The following COBLL1 variants were observed in gnomAD, a reference collection of about 807,000 sequenced individuals.
The protein encoded by COBLL1 is cordon-bleu WH2 repeat protein like 1.
Under a neutral mutation model 94.8 loss-of-function variants are expected in COBLL1, and 50 were observed. The ratio of observed to expected loss-of-function variants is 0.53; its 90% CI spans 0.42 to 0.67. The LOEUF is 0.67. COBLL1 is among the 30% of genes least tolerant of loss of function. The pLI, the probability that COBLL1 is intolerant of heterozygous loss-of-function variation, is 0.00. For synonymous variants in COBLL1, 448 were observed against 473.8 expected, an observed-to-expected ratio of 0.95 and a Z score of 0.71; for missense variants, 1,362 against 1,348.7, an observed-to-expected ratio of 1.01 and a Z score of -0.15.
chr2:164,748,353 A>AT (rs200750558), intron 2 of COBLL1, among the ~76,000 whole-genome samples: 2,443 of 152,210 alleles, frequency 0.016, 26 homozygotes, highest in South Asian at 0.027. Context: ...CCTAACATTA[A>AT]TTTTTTGGTC....
chr2:164,813,504 G>T (rs1473127236), intron 2 of COBLL1, among the ~76,000 whole-genome samples: 1 of 152,126 alleles, frequency 6.6e-6, no homozygotes, highest in Non-Finnish European at 1.5e-5. Flanking sequence ...TGGAACATCA[G>T]GGGTGTTGGT....
Position 164,694,913 on chromosome 2 carries a change from G to A in COBLL1, c.2479C>T (p.Pro827Ser). The A allele has an allele frequency of 6.2e-7, 1 of 1,613,868 alleles. No individual in the cohort carries two copies. Among genetic ancestry groups the A allele is most frequent in the Non-Finnish European group, 8.5e-7 (1 of 1,179,900 alleles). Residue 827 changes from proline to serine, a missense_variant, in exon 12 of 14, where the codon CCC (proline) becomes TCC (serine). Coordinates refer to ENST00000652658, the MANE Select transcript of COBLL1 (RefSeq NM_001365672.2). Reference protein sequence around the residue: ...DAMVSPLKPAPKMTRDTGTAP... With the variant: ...DAMVSPLKPASKMTRDTGTAP... ...GTGCCAGTGTCTCTTGTCATTTTGG[G>A]AGCAGGTTTCAGAGGACTAACCATG...
intron 7 of COBLL1, among the ~76,000 whole-genome samples, chr2:164,708,394 T>C (rs1055884886): frequency 3.3e-5 from 5 of 152,270 alleles, no homozygotes; most frequent in African/African-American, 9.6e-5. Context: ...TTTGAAATAA[T>C]TCAAAACAAG....
intron 7 of COBLL1, among the ~76,000 whole-genome samples, chr2:164,710,627 C>T (rs59884845): frequency 0.061 from 9,027 of 149,056 alleles, 320 homozygotes; most frequent in African/African-American, 0.12. Context: ...TACAGTGGTG[C>T]GATCTCAGCT....
chr2:164,779,832 G>T (rs1294534370), intron 2 of COBLL1: 6 of 446,162 alleles, frequency 1.3e-5, no homozygotes, highest in Non-Finnish European at 2.8e-5. Flanking sequence ...TGCAAATTTA[G>T]ACCGAACATT....
At chr2:164,660,791 A>G (rs1317715109) in intron 2 of COBLL1, among the ~76,000 whole-genome samples, 1 of 152,210 alleles carries the variant, frequency 6.6e-6, no homozygotes, top group Admixed American at 6.5e-5. Context: ...CATTACATAC[A>G]GCAATCATAG....
chr2:164,794,228 C>T (rs1338855647), intron 2 of COBLL1, among the ~76,000 whole-genome samples: 1 of 152,196 alleles, frequency 6.6e-6, no homozygotes, highest in East Asian at 1.9e-4. Flanking sequence ...GATCTGTATC[C>T]TGGTGATAGC....
chr2:164,735,108 A>G (rs1011940424), intron 3 of COBLL1, among the ~76,000 whole-genome samples: 5 of 152,164 alleles, frequency 3.3e-5, no homozygotes, highest in Admixed American at 6.5e-5. Flanking sequence ...GTGTACATAG[A>G]TGTGAGCTCC....
chr2:164,833,206 T>A (rs964495286), intron 2 of COBLL1, among the ~76,000 whole-genome samples: 15 of 151,722 alleles, frequency 9.9e-5, no homozygotes, highest in Admixed American at 9.8e-4. Context: ...GTACAAAAAT[T>A]AGCTGGGCAT....
chr2:164,826,361 C>T (rs911843619), intron 2 of COBLL1, among the ~76,000 whole-genome samples: 10 of 152,208 alleles, frequency 6.6e-5, no homozygotes, highest in Admixed American at 4.6e-4. Context: ...CTTCATCCTC[C>T]ACTTCCTGGG....
chr2:164,687,485 G>A (rs1327083575), intron 13 of COBLL1: 4 of 1,454,510 alleles, frequency 2.8e-6, no homozygotes, highest in African/African-American at 2.8e-5. Flanking sequence ...TCAATCACAT[G>A]CTCCTTGTTC....
intron 7 of COBLL1, among the ~76,000 whole-genome samples, chr2:164,721,214 A>G (rs1405358549): frequency 1.3e-5 from 2 of 152,212 alleles, no homozygotes; most frequent in Admixed American, 6.5e-5. Flanking sequence ...AAATCTTTCA[A>G]CTAGACACAA....
rs1198652868 is a variant in COBLL1 at position 164,685,021 on chromosome 2, A to G, written c.*925T>C. 2.6e-5 allele frequency: 4 copies of G among 152,184 alleles called. No individual in the cohort carries two copies. Among genetic ancestry groups the G allele is most frequent in the Admixed American group, 2.6e-4 (4 of 15,268 alleles). 9.4% of individuals were successfully genotyped at this position (152,184 alleles called of 1,614,324 possible). A position where few individuals can be genotyped will look rare whatever the true frequency, so the allele number is the denominator to read the frequency against. ...ATATATTATTACTTAGAATATTAGC[A>G]TCTGAACTATATAATGACTATTTTA... On this transcript the variant is annotated 3_prime_UTR_variant, in exon 14 of 14. Coordinates refer to ENST00000652658, the MANE Select transcript of COBLL1 (RefSeq NM_001365672.2).
At chr2:164,752,905 C>G (rs1348347220) in intron 2 of COBLL1, among the ~76,000 whole-genome samples, 1 of 152,196 alleles carries the variant, frequency 6.6e-6, no homozygotes, top group Non-Finnish European at 1.5e-5. Flanking sequence ...AAGATGATCC[C>G]ATGCCCCTTT....
At chr2:164,742,344 C>CT (rs1350283641) in intron 3 of COBLL1, among the ~76,000 whole-genome samples, 3 of 150,460 alleles carry the variant, frequency 2.0e-5, no homozygotes, top group Admixed American at 1.3e-4. Context: ...AAAAAGTTGA[C>CT]TTTTTTTTTC....
chr2:164,774,283 G>A (rs392050), intron 2 of COBLL1, among the ~76,000 whole-genome samples: 35,361 of 151,888 alleles, frequency 0.23, 4,741 homozygotes, highest in African/African-American at 0.37. Context: ...GTCTCCCAGT[G>A]GGCCCAGGGC....
At chr2:164,733,599 T>C (rs1395156488) in intron 3 of COBLL1, among the ~76,000 whole-genome samples, 1 of 152,192 alleles carries the variant, frequency 6.6e-6, no homozygotes, top group Non-Finnish European at 1.5e-5. Context: ...AGTTCTGCAA[T>C]AGACATAACT....
chr2:164,694,235 T>C lies in COBLL1; in HGVS notation c.3123+34A>G, dbSNP rs149910517. 4.1e-3 allele frequency: 6,483 copies of C among 1,575,686 alleles called. 50 individuals are homozygous for C. The highest frequency in any genetic ancestry group is 0.019 in the South Asian group (1,638 of 84,612). On this transcript the variant is annotated intron_variant, in intron 12 of 13. Transcript: ENST00000652658. The stretch of plus-strand genomic sequence containing the variant: ...ACCCCCATTAAACCATGTCATTAAA[T>C]TTGAATACTTATTTTTAAAAAGGCT...
In COBLL1 at chr2:164,687,357, C is replaced by T. The variant is rs144740886; in HGVS notation, c.3301-1325G>A. 5.5e-3 allele frequency: 3,912 copies of T among 717,350 alleles called. 15 individuals are homozygous for T. Among genetic ancestry groups the T allele is most frequent in the Non-Finnish European group, 8.0e-3 (3,198 of 400,234 alleles). The allele number at this position is 717,350 out of a possible 1,614,324, so 44.4% of individuals were successfully genotyped here. ...GTACTTGACCCCACAGCCATATGAG[C>T]CACTTCTCAGCCACCATGTCTTCAA... On this transcript the variant is annotated intron_variant, in intron 13 of 13. Coordinates refer to ENST00000652658, the MANE Select transcript of COBLL1 (RefSeq NM_001365672.2).
Sources: gnomAD v4.1 joint callset for allele counts (sites outside exome capture counted in the v4.1 genomes callset) on GRCh38, gnomAD v4.1.1 for gene constraint, MANE v1.5 for transcripts, NCBI Gene and HGNC (gene_info 2026-07-23, HGNC 2026-07-21) for gene names.